Variants in WWTR1 observed in about 807,000 individuals in gnomAD.
WWTR1 encodes the protein WW domain containing transcription regulator 1.
A neutral mutation model predicts 40.1 loss-of-function variants in WWTR1; 13 were observed. That is an observed-to-expected ratio of 0.32 (90% confidence interval 0.21 to 0.52). WWTR1 has a LOEUF of 0.52. Ranked by LOEUF, WWTR1 falls within the 20% of genes least tolerant of loss-of-function variation. The pLI is 0.97. For synonymous variants in WWTR1, 230 were observed against 210.1 expected (o/e 1.09, Z -0.82); for missense variants, 436 against 523.1 (o/e 0.83, Z 1.63).
At chr3:149,560,973 A>G (rs1173180006) in intron 3 of WWTR1, among the ~76,000 whole-genome samples, 1 of 151,446 alleles carries the variant, frequency 6.6e-6, no homozygotes, top group Non-Finnish European at 1.5e-5. Flanking sequence ...CCCGCAAAAA[A>G]TCCCCTGCTC....
chr3:149,531,132 G>A (rs958749629), intron 4 of WWTR1, among the ~76,000 whole-genome samples: 2 of 152,012 alleles, frequency 1.3e-5, no homozygotes, highest in African/African-American at 2.4e-5. Context: ...ATATGGTTGC[G>A]CCATGTTGCC....
chr3:149,572,197 G>A (rs1737667197), intron 3 of WWTR1, among the ~76,000 whole-genome samples: 1 of 152,122 alleles, frequency 6.6e-6, no homozygotes, highest in East Asian at 1.9e-4. Context: ...AAACTGGAGA[G>A]CCTGCTACTT....
intron 1 of WWTR1, among the ~76,000 whole-genome samples, chr3:149,687,805 T>C (rs1474366801): frequency 6.6e-6 from 1 of 151,888 alleles, no homozygotes; most frequent in Non-Finnish European, 1.5e-5. Flanking sequence ...ACCCCTAAGG[T>C]CCCCAATTCC....
intron 5 of WWTR1, among the ~76,000 whole-genome samples, chr3:149,716,671 A>G (rs1715612741): frequency 6.6e-6 from 1 of 152,186 alleles, no homozygotes; most frequent in South Asian, 2.1e-4. Flanking sequence ...GTAAACAAAC[A>G]AAAAGTCATA....
chr3:149,567,480 C>A (rs1016613916), intron 3 of WWTR1, among the ~76,000 whole-genome samples: 2 of 152,164 alleles, frequency 1.3e-5, no homozygotes, highest in Non-Finnish European at 2.9e-5. Context: ...TGGTACCACA[C>A]CAGCTAGTTT....
intron 2 of WWTR1, among the ~76,000 whole-genome samples, chr3:149,642,692 C>T (rs1056751406): frequency 2.0e-5 from 3 of 150,310 alleles, no homozygotes; most frequent in Non-Finnish European, 3.0e-5. Context: ...GGAGAATGGC[C>T]GGAACCCGGG....
At chr3:149,614,025 A>G (rs569652403) in intron 2 of WWTR1, among the ~76,000 whole-genome samples, 1 of 152,378 alleles carries the variant, frequency 6.6e-6, no homozygotes, top group East Asian at 1.9e-4. Flanking sequence ...CTAACACTTC[A>G]GTACTGGCTT....
intron 3 of WWTR1, among the ~76,000 whole-genome samples, chr3:149,568,502 A>G (rs966996829): frequency 3.0e-5 from 4 of 133,962 alleles, no homozygotes; most frequent in African/African-American, 1.1e-4. Context: ...GAAACTGGAG[A>G]TGGCTATTTG....
At chr3:149,721,998 A>G (rs774900600) in intron 4 of WWTR1, among the ~76,000 whole-genome samples, 1 of 152,148 alleles carries the variant, frequency 6.6e-6, no homozygotes, top group Non-Finnish European at 1.5e-5. Flanking sequence ...AAATTTGTCT[A>G]TTTCATCTAG....
chr3:149,634,349 G>GT (rs1711704114), intron 2 of WWTR1, among the ~76,000 whole-genome samples: 1 of 152,208 alleles, frequency 6.6e-6, no homozygotes. Context: ...CTGGCACAAA[G>GT]TAAGTGCTAG....
At chr3:149,575,525 T>G (rs1737839379) in intron 2 of WWTR1, among the ~76,000 whole-genome samples, 1 of 152,210 alleles carries the variant, frequency 6.6e-6, no homozygotes, top group Admixed American at 6.5e-5. Flanking sequence ...ATCATGGATA[T>G]TGATGCTGTG....
At chr3:149,664,356 C>A (rs1395490300) in intron 2 of WWTR1, among the ~76,000 whole-genome samples, 3 of 152,212 alleles carry the variant, frequency 2.0e-5, no homozygotes, top group Non-Finnish European at 4.4e-5. Flanking sequence ...AGTTCCTTGA[C>A]AAATCAAACG....
chr3:149,705,478 T>C (rs1715308648), upstream of WWTR1, among the ~76,000 whole-genome samples: 3 of 152,212 alleles, frequency 2.0e-5, no homozygotes, highest in Non-Finnish European at 2.9e-5. Context: ...AGAGACAAGA[T>C]GCCATTTTCA....
At chr3:149,531,521 C>T (rs891192853) in intron 4 of WWTR1, among the ~76,000 whole-genome samples, 7 of 152,048 alleles carry the variant, frequency 4.6e-5, no homozygotes, top group Admixed American at 2.0e-4. Flanking sequence ...TCCTTCACCC[C>T]CTTCCAGTCT....
upstream of WWTR1, among the ~76,000 whole-genome samples, chr3:149,660,921 G>A (rs181410776): frequency 7.9e-5 from 12 of 152,312 alleles, no homozygotes; most frequent in South Asian, 4.1e-4. Flanking sequence ...TCTCTGCTGC[G>A]TTGCTGCCTT....
At chr3:149,547,302 A>C (rs926683726) in intron 3 of WWTR1, among the ~76,000 whole-genome samples, 8 of 151,446 alleles carry the variant, frequency 5.3e-5, no homozygotes, top group African/African-American at 1.9e-4. Context: ...AGGCAGATGG[A>C]TTGCCTGAGG....
intron 2 of WWTR1, among the ~76,000 whole-genome samples, chr3:149,664,807 G>A (rs1212546972): frequency 6.6e-6 from 1 of 151,934 alleles, no homozygotes; most frequent in Non-Finnish European, 1.5e-5. Flanking sequence ...GGCTGGTCTC[G>A]AACTCCTGAT....
At chr3:149,721,810 C>G (rs541862919) in intron 4 of WWTR1, among the ~76,000 whole-genome samples, 1 of 152,182 alleles carries the variant, frequency 6.6e-6, no homozygotes, top group African/African-American at 2.4e-5. Context: ...ACGATCCTGT[C>G]ACTGCAGCTT....
chr3:149,664,526 A>C (rs1190551601), intron 2 of WWTR1, among the ~76,000 whole-genome samples: 1 of 151,654 alleles, frequency 6.6e-6, no homozygotes, highest in Admixed American at 6.6e-5. Flanking sequence ...TTCTTAATAA[A>C]TGCATCACTG....
Sources: allele counts gnomAD v4.1 joint callset (sites outside exome capture counted in the v4.1 genomes callset), GRCh38; gene constraint gnomAD v4.1.1; transcripts MANE v1.5; gene names NCBI Gene and HGNC (gene_info 2026-07-23, HGNC 2026-07-21).